The following SORCS2 variants were observed in gnomAD, a reference collection of about 807,000 sequenced individuals.
SORCS2 encodes sortilin related VPS10 domain containing receptor 2, also known as VPS10 domain-containing receptor SorCS2.
A neutral mutation model predicts 141.6 loss-of-function variants in SORCS2; 100 were observed. The ratio of observed to expected loss-of-function variants is 0.71; its 90% CI spans 0.60 to 0.83. The LOEUF (loss-of-function observed/expected upper bound fraction) is 0.83, where lower values mean the gene tolerates loss of function less well. SORCS2 is among the 40% of genes least tolerant of loss of function. SORCS2 has a pLI of 0.00. For synonymous variants in SORCS2, 789 were observed against 676.9 expected (o/e 1.17, Z -2.57); for missense variants, 1,646 against 1,560.2 (o/e 1.05, Z -0.93).
chr4:7,740,693 G>A lies in SORCS2; in HGVS notation c.*429G>A, dbSNP rs914124502. The A allele has an allele frequency of 1.7e-5, 5 of 286,426 alleles. No homozygotes were observed. Among genetic ancestry groups the A allele is most frequent in the Admixed American group, 4.7e-5 (1 of 21,376 alleles). 17.7% of individuals were successfully genotyped at this position (286,426 alleles called of 1,614,324 possible). A position where few individuals can be genotyped will look rare whatever the true frequency, so the allele number is the denominator to read the frequency against. ...TCCCCGCAGAGGCCGGGGCCTCCCT[G>A]ACTTTGCTTCTTCACTCCCACCTGT... is the stretch of plus-strand genomic sequence containing the variant. On this transcript the variant is annotated 3_prime_UTR_variant, in exon 27 of 27. Coordinates refer to ENST00000507866, the MANE Select transcript of SORCS2 (RefSeq NM_020777.3).
chr4:7,662,616 G>A (rs146602721), intron 6 of SORCS2, among the ~76,000 whole-genome samples: 2 of 152,330 alleles, frequency 1.3e-5, no homozygotes, highest in Admixed American at 6.5e-5. Flanking sequence ...AAAATAACAT[G>A]TGCTACAGAG....
At chr4:7,256,518 C>CTCAT (rs1193460490) in intron 1 of SORCS2, among the ~76,000 whole-genome samples, 4 of 152,170 alleles carry the variant, frequency 2.6e-5, no homozygotes, top group African/African-American at 7.2e-5. Flanking sequence ...CATTCATTCA[C>CTCAT]TCATTCATTT....
chr4:7,613,616 A>G (rs951977430), intron 3 of SORCS2, among the ~76,000 whole-genome samples: 19 of 152,088 alleles, frequency 1.2e-4, no homozygotes, highest in African/African-American at 4.1e-4. Flanking sequence ...ACCAAGAATG[A>G]CCCGTGGAGA....
chr4:7,428,127 A>G (rs1726583483), intron 2 of SORCS2, among the ~76,000 whole-genome samples: 1 of 152,158 alleles, frequency 6.6e-6, no homozygotes, highest in Non-Finnish European at 1.5e-5. Context: ...CACCTGGACC[A>G]TGGAGGACAA....
At chr4:7,432,729 A>G (rs10023470) in intron 2 of SORCS2, 29,301 of 151,956 alleles carry the variant, frequency 0.19, 2,946 homozygotes, top group African/African-American at 0.25. Flanking sequence ...GGAGAATGTG[A>G]CCAAAGCCCC....
In SORCS2 at chr4:7,655,202, TACAC is replaced by T. The variant is rs144046004; in HGVS notation, c.887+1017_887+1020del. On this transcript the variant is annotated intron_variant, in intron 5 of 26. Coordinates refer to ENST00000507866, the MANE Select transcript of SORCS2 (RefSeq NM_020777.3). Reference sequence around the variant, plus strand: ...ATGGCATTCCTCTTTCTTGTGCGTGTACACACACACACACACACACACACAGTGC... The same window carrying T: ...ATGGCATTCCTCTTTCTTGTGCGTGTACACACACACACACACACACAGTGC... Among the ~76,000 whole-genome samples, 67 of 148,922 alleles carry T rather than the reference TACAC, an allele frequency of 4.5e-4. 2 individuals carry two copies. The South Asian group carries it at 4.9e-3, about 11-fold the overall frequency.
intron 19 of SORCS2, among the ~76,000 whole-genome samples, chr4:7,724,115 A>ATGG (rs757064728): frequency 0.067 from 9,759 of 144,882 alleles, 848 homozygotes; most frequent in African/African-American, 0.21. Flanking sequence ...AGTGGTGGTG[A>ATGG]TGGTGGTGGT....
chr4:7,676,364 C>G (rs1320604176), intron 9 of SORCS2, 135 bp downstream of exon 9: 3 of 910,246 alleles, frequency 3.3e-6, no homozygotes, highest in Non-Finnish European at 4.9e-6. Flanking sequence ...ATCTTCTGTA[C>G]ACAGCCAAAT....
intron 1 of SORCS2, among the ~76,000 whole-genome samples, chr4:7,292,712 A>G (rs189507253): frequency 1.6e-3 from 243 of 152,294 alleles, no homozygotes; most frequent in African/African-American, 5.6e-3. Context: ...GGCTAGAGTC[A>G]GGCAGGGCAG....
At chr4:7,228,001 G>A (rs1711542411) in intron 1 of SORCS2, among the ~76,000 whole-genome samples, 2 of 152,218 alleles carry the variant, frequency 1.3e-5, no homozygotes, top group Non-Finnish European at 2.9e-5. Context: ...GCAAGCGGGA[G>A]CTCATGGGTG....
intron 4 of SORCS2, among the ~76,000 whole-genome samples, chr4:7,649,226 G>A (rs753574704): frequency 1.3e-4 from 20 of 152,020 alleles, no homozygotes; most frequent in African/African-American, 4.1e-4. Context: ...CACAGCACGC[G>A]CAGATGCTCA....
chr4:7,720,871 A>G (rs1434945406), intron 18 of SORCS2, among the ~76,000 whole-genome samples: 1 of 152,258 alleles, frequency 6.6e-6, no homozygotes, highest in African/African-American at 2.4e-5. Context: ...ACACTGGATC[A>G]CTTACGCATG....
chr4:7,618,529 C>T lies in SORCS2; in HGVS notation c.649-19799C>T, dbSNP rs191835469. On this transcript the variant is annotated intron_variant, in intron 3 of 26. Transcript: ENST00000507866. The stretch of plus-strand genomic sequence containing the variant: ...CGGGCCCGCACTCTGCCTGCCTCTC[C>T]GCCCCCAGCACGTTCTGCTCGCCCC... 5.9e-5 allele frequency among the ~76,000 whole-genome samples: 9 copies of T among 152,276 alleles called. No homozygotes were observed. In the East Asian group the frequency reaches 1.4e-3, roughly 23 times the overall value.
chr4:7,727,433 C>T (rs962466166), intron 21 of SORCS2, among the ~76,000 whole-genome samples: 34 of 152,088 alleles, frequency 2.2e-4, no homozygotes, highest in Non-Finnish European at 4.4e-4. Flanking sequence ...GGAGACCCCC[C>T]CCCCCCTTGT....
In SORCS2 at chr4:7,741,260, C is replaced by T. The variant is rs1712647614; in HGVS notation, c.*996C>T. 5.0e-6 allele frequency: 2 copies of T among 398,778 alleles called. No homozygotes were observed. The highest frequency in any genetic ancestry group is 8.8e-6 in the Non-Finnish European group (2 of 226,160). 24.7% of individuals were successfully genotyped at this position (398,778 alleles called of 1,614,324 possible). ...CTGAGGATGGCAGGGCTGGAAGGGC[C>T]ATCAGCGTGACCCTCATTTTCAAGA... is the stretch of plus-strand genomic sequence containing the variant. On this transcript the variant is annotated 3_prime_UTR_variant, in exon 27 of 27. Transcript: ENST00000507866.
intron 1 of SORCS2, among the ~76,000 whole-genome samples, chr4:7,306,045 G>A (rs1002987942): frequency 2.6e-5 from 4 of 152,218 alleles, no homozygotes; most frequent in Non-Finnish European, 5.9e-5. Flanking sequence ...TCCCTTCCTC[G>A]ACACACTCTT....
intron 2 of SORCS2, among the ~76,000 whole-genome samples, chr4:7,426,401 C>G (rs1437889901): frequency 6.6e-6 from 1 of 151,384 alleles, no homozygotes; most frequent in African/African-American, 2.4e-5. Flanking sequence ...CTGAGGGTGG[C>G]CCCTGGGGGC....
At chr4:7,453,681 G>T (rs1728654633) in intron 2 of SORCS2, among the ~76,000 whole-genome samples, 2 of 121,514 alleles carry the variant, frequency 1.6e-5, no homozygotes, top group African/African-American at 6.6e-5. Context: ...GGGTTCAGGT[G>T]CTGTGTTGGG....
intron 1 of SORCS2, among the ~76,000 whole-genome samples, chr4:7,202,791 G>A (rs1028506029): frequency 3.9e-5 from 6 of 152,238 alleles, no homozygotes; most frequent in Admixed American, 6.5e-5. Context: ...GGCCTCAGCC[G>A]GGGAGATCCA....
Sources: gnomAD v4.1 joint callset for allele counts (sites outside exome capture counted in the v4.1 genomes callset) on GRCh38, gnomAD v4.1.1 for gene constraint, MANE v1.5 for transcripts, NCBI Gene and HGNC (gene_info 2026-07-23, HGNC 2026-07-21) for gene names.